The following CBR4 variants were observed in gnomAD, a reference collection of about 807,000 sequenced individuals.
CBR4 encodes the protein 3-oxoacyl-[acyl-carrier-protein] reductase.
Under a neutral mutation model 21.0 loss-of-function variants are expected in CBR4, and 22 were observed. The ratio of observed to expected loss-of-function variants is 1.05; its 90% confidence interval spans 0.75 to 1.50. The LOEUF is 1.50. Ranked by LOEUF, CBR4 falls within the 40% of genes most tolerant of loss-of-function variation. The probability of loss-of-function intolerance (pLI) is 0.00; values close to 1 mark genes in which losing one functional copy is unlikely to be tolerated. For synonymous variants in CBR4, 100 were observed against 104.4 expected (o/e 0.96, Z 0.26); for missense variants, 302 against 286.3 (o/e 1.05, Z -0.40).
At chr4:168,936,438 C>T (rs1046869425) in intron 2 of CBR4, among the ~76,000 whole-genome samples, 7 of 152,062 alleles carry the variant, frequency 4.6e-5, no homozygotes, top group African/African-American at 9.7e-5. Context: ...ATGAGTTTGA[C>T]GAACTGACAG....
At chr4:168,933,315 GA>G (rs1483751020) in intron 2 of CBR4, among the ~76,000 whole-genome samples, 4 of 152,174 alleles carry the variant, frequency 2.6e-5, no homozygotes, top group Non-Finnish European at 5.9e-5. Context: ...TGAAGGGATG[GA>G]AAAAAATAAT....
chr4:168,942,078 T>C (rs1763279851), intron 2 of CBR4, among the ~76,000 whole-genome samples: 1 of 152,160 alleles, frequency 6.6e-6, no homozygotes, highest in Non-Finnish European at 1.5e-5. Context: ...TTCATGTCCT[T>C]TGCAGGGACA....
Position 168,927,048 on chromosome 4 carries a change from C to T in CBR4, n.170-32283G>A, listed in dbSNP as rs1305346673. ...GTTTTCATGCTACCTTGGTAGGAAACTTATTTACAAACCATATTAAAAGGC... is the reference window on the plus strand; with the variant it reads ...GTTTTCATGCTACCTTGGTAGGAAATTTATTTACAAACCATATTAAAAGGC... On this transcript the variant is annotated intron_variant and non_coding_transcript_variant, in intron 2 of 3. Transcript: ENST00000509108. 3 of 219,410 alleles carry T rather than the reference C, an allele frequency of 1.4e-5. No homozygotes were observed. The Admixed American group carries it at 1.7e-4, about 13-fold the overall frequency. The allele number at this position is 219,410 out of a possible 1,614,324, so 13.6% of individuals were successfully genotyped here.
chr4:168,987,586 A>G (rs113033324), downstream of CBR4: 202 of 871,062 alleles, frequency 2.3e-4, 1 homozygote, highest in African/African-American at 3.3e-3. Context: ...TTAACATCAG[A>G]AAGTTTAAAA....
At position 168,988,441 on chromosome 4, in the gene CBR4, G is replaced by A. The variant is rs1764768464; in HGVS notation, c.*1709C>T. On this transcript the variant is annotated 3_prime_UTR_variant, in exon 5 of 5. Transcript: ENST00000306193. The stretch of plus-strand genomic sequence containing the variant: ...CCTCGCTCATGATTTCAGAGCATAA[G>A]GTGTCCAGAGAAGAAAACTCAAGAC... 6 of 985,362 alleles carry A rather than the reference G, an allele frequency of 6.1e-6. No individual in the cohort carries two copies. The highest frequency in any genetic ancestry group is 6.0e-6 in the Non-Finnish European group (5 of 829,918). 61.0% of individuals were successfully genotyped at this position (985,362 alleles called of 1,614,324 possible).
intron 3 of CBR4, chr4:169,005,229 C>T (rs372350828): frequency 9.9e-5 from 15 of 151,836 alleles, no homozygotes; most frequent in African/African-American, 3.1e-4. Context: ...AATACATGCA[C>T]GAAAAAAATA....
intron 2 of CBR4, among the ~76,000 whole-genome samples, chr4:168,914,241 A>G (rs897434731): frequency 6.6e-6 from 1 of 152,216 alleles, no homozygotes; most frequent in Non-Finnish European, 1.5e-5. Context: ...GCCCATTCAC[A>G]TATACTATTA....
intron 2 of CBR4, among the ~76,000 whole-genome samples, chr4:168,934,273 C>CAAAAAAAAAAAAAAAAAAAAAAAAAA (rs1206272373): frequency 1.9e-4 from 2 of 10,670 alleles, no homozygotes; most frequent in Admixed American, 1.3e-3. Context: ...ACTAGAAAAG[C>CAAAAAAAAAAAAAAAAAAAAAAAAAA]AAAAAAAACA....
In CBR4 at chr4:168,967,188, G is replaced by A. The variant is rs147909902; in HGVS notation, n.169+34883C>T. Among the ~76,000 whole-genome samples, 745 of 152,310 alleles carry A rather than the reference G, an allele frequency of 4.9e-3. 6 individuals carry two copies. The highest frequency in any genetic ancestry group is 5.5e-3 in the Admixed American group (84 of 15,306). On this transcript the variant is annotated intron_variant and non_coding_transcript_variant, in intron 2 of 3. Coordinates refer to the CBR4 transcript ENST00000509108. The stretch of plus-strand genomic sequence containing the variant: ...ATACTATGCAGCCATAAAAAAGGAT[G>A]AGTTCATGTCCTTTGCAGGGACATT...
intron 4 of CBR4, among the ~76,000 whole-genome samples, chr4:168,993,215 T>TC (rs1285877467): frequency 6.7e-6 from 1 of 149,806 alleles, no homozygotes; most frequent in Non-Finnish European, 1.5e-5. Context: ...TATTTTCCTT[T>TC]TTTTTTTTTT....
intron 1 of CBR4, among the ~76,000 whole-genome samples, chr4:169,009,474 G>C (rs1731209383): frequency 6.6e-6 from 1 of 152,240 alleles, no homozygotes; most frequent in Admixed American, 6.5e-5. Flanking sequence ...CCAAGGCACG[G>C]CCCTTGGGCA....
downstream of CBR4, among the ~76,000 whole-genome samples, chr4:168,985,771 AGT>A (rs1442005181): frequency 6.6e-6 from 1 of 152,216 alleles, no homozygotes; most frequent in Non-Finnish European, 1.5e-5. Context: ...CATTATCCTA[AGT>A]ATCCTAATAC....
intron 2 of CBR4, among the ~76,000 whole-genome samples, chr4:168,915,553 C>T (rs2151421687): frequency 6.6e-6 from 1 of 152,214 alleles, no homozygotes; most frequent in African/African-American, 2.4e-5. Context: ...CTAGTAACTT[C>T]TGTTGAAAAA....
At position 168,977,370 on chromosome 4, in the gene CBR4, T is replaced by C. The variant is rs67561290; in HGVS notation, n.169+24701A>G. 2.2e-3 allele frequency among the ~76,000 whole-genome samples: 331 copies of C among 152,224 alleles called. 1 individual carries two copies. Among genetic ancestry groups the C allele is most frequent in the Non-Finnish European group, 4.3e-3 (290 of 68,020 alleles). Reference sequence around the variant, plus strand: ...ACTCAGCTTTCTCCTGATTTTCTACTTACTGCTCCAACTAGTCCTTCTTAG... The same window carrying C: ...ACTCAGCTTTCTCCTGATTTTCTACCTACTGCTCCAACTAGTCCTTCTTAG... On this transcript the variant is annotated intron_variant and non_coding_transcript_variant, in intron 2 of 3. Transcript: ENST00000509108.
intron 2 of CBR4, among the ~76,000 whole-genome samples, chr4:168,958,808 G>A (rs767018221): frequency 6.6e-6 from 1 of 152,146 alleles, no homozygotes; most frequent in African/African-American, 2.4e-5. Flanking sequence ...AAGCTACTGA[G>A]CATCTTTTCA....
At chr4:168,898,340 GT>G (rs1755713063) in intron 2 of CBR4, 1 of 664,316 alleles carries the variant, frequency 1.5e-6, no homozygotes, top group African/African-American at 1.8e-5. Flanking sequence ...GATGTTTTTT[GT>G]TTCATATGCA....
At chr4:168,997,695 G>T (rs1311450418) in intron 4 of CBR4, among the ~76,000 whole-genome samples, 1 of 151,972 alleles carries the variant, frequency 6.6e-6, no homozygotes, top group East Asian at 1.9e-4. Flanking sequence ...ATATCCCTAG[G>T]TCATTATTTT....
At chr4:168,937,052 G>T (rs1349502977) in intron 2 of CBR4, among the ~76,000 whole-genome samples, 1 of 152,098 alleles carries the variant, frequency 6.6e-6, no homozygotes, top group South Asian at 2.1e-4. Flanking sequence ...TCCTCCTTTG[G>T]AGGATCACAA....
At chr4:168,953,623 T>C (rs1391273523) in intron 2 of CBR4, among the ~76,000 whole-genome samples, 1 of 151,424 alleles carries the variant, frequency 6.6e-6, no homozygotes, top group East Asian at 1.9e-4. Flanking sequence ...CAGGATCTCG[T>C]GTGTTGCCCA....
Sources: gnomAD v4.1 joint callset for allele counts (sites outside exome capture counted in the v4.1 genomes callset) on GRCh38, gnomAD v4.1.1 for gene constraint, MANE v1.5 for transcripts, NCBI Gene and HGNC (gene_info 2026-07-23, HGNC 2026-07-21) for gene names.